FSTL5: variants seen among roughly 807,000 people sequenced by gnomAD.
FSTL5 encodes the protein follistatin-related protein 5.
A neutral mutation model predicts 89.1 loss-of-function variants in FSTL5; 62 were observed. The observed-to-expected ratio is 0.70, with a 90% CI of 0.57 to 0.86. The LOEUF is 0.86. FSTL5 is among the 40% of genes least tolerant of loss of function. The pLI is 0.00. For synonymous variants in FSTL5, 383 were observed against 346.2 expected (o/e 1.11, Z -1.18); for missense variants, 1,057 against 1,001.6 (o/e 1.06, Z -0.75).
chr4:161,859,072 T>A (rs1201849351), intron 4 of FSTL5, among the ~76,000 whole-genome samples: 1 of 152,220 alleles, frequency 6.6e-6, no homozygotes, highest in Non-Finnish European at 1.5e-5. Context: ...GCTCTCTTAG[T>A]ACTGTTTCCT....
chr4:161,586,026 G>A (rs750371977), intron 8 of FSTL5, among the ~76,000 whole-genome samples: 6 of 152,220 alleles, frequency 3.9e-5, no homozygotes, highest in Admixed American at 6.5e-5. Flanking sequence ...CCCCTGGAGC[G>A]TCAACAATAG....
chr4:161,685,554 T>C (rs2126713120), intron 6 of FSTL5, among the ~76,000 whole-genome samples: 1 of 152,312 alleles, frequency 6.6e-6, no homozygotes. Flanking sequence ...TTGTTTTGAT[T>C]CTCAGCTTGG....
chr4:161,774,767 A>G (rs1010465269), intron 5 of FSTL5, among the ~76,000 whole-genome samples: 4 of 138,530 alleles, frequency 2.9e-5, no homozygotes, highest in Non-Finnish European at 5.9e-5. Flanking sequence ...TTAATTAACT[A>G]GTTATTTATT....
chr4:162,036,845 G>C (rs1737759808), intron 2 of FSTL5, among the ~76,000 whole-genome samples: 1 of 151,726 alleles, frequency 6.6e-6, no homozygotes, highest in Non-Finnish European at 1.5e-5. Flanking sequence ...ACGTTTTTTG[G>C]TGCTCATATG....
At chr4:161,806,199 T>A (rs943259857) in intron 4 of FSTL5, among the ~76,000 whole-genome samples, 9 of 152,102 alleles carry the variant, frequency 5.9e-5, no homozygotes, top group Non-Finnish European at 1.0e-4. Flanking sequence ...GTTAAATTAT[T>A]AAACAATATT....
At chr4:161,438,776 C>T (rs1732661311) in intron 15 of FSTL5, among the ~76,000 whole-genome samples, 1 of 151,866 alleles carries the variant, frequency 6.6e-6, no homozygotes, top group African/African-American at 2.4e-5. Context: ...TACAAACTAA[C>T]TATTATATAT....
At chr4:161,720,336 G>A (rs1279413433) in intron 6 of FSTL5, among the ~76,000 whole-genome samples, 1 of 151,862 alleles carries the variant, frequency 6.6e-6, no homozygotes, top group Non-Finnish European at 1.5e-5. Flanking sequence ...TACCTGTTAC[G>A]ATAGCATTAT....
intron 10 of FSTL5, among the ~76,000 whole-genome samples, chr4:161,534,611 G>A (rs1209643802): frequency 6.6e-6 from 1 of 152,110 alleles, no homozygotes. Flanking sequence ...TCATGCTCAT[G>A]TACTGGAAGA....
chr4:161,658,340 T>C (rs1736591914), intron 6 of FSTL5, among the ~76,000 whole-genome samples: 1 of 151,796 alleles, frequency 6.6e-6, no homozygotes, highest in Non-Finnish European at 1.5e-5. Flanking sequence ...ACGCCTGTAG[T>C]CCCTGCTACT....
At chr4:161,695,369 G>A (rs778244347) in intron 6 of FSTL5, among the ~76,000 whole-genome samples, 2 of 150,820 alleles carry the variant, frequency 1.3e-5, no homozygotes, top group South Asian at 2.1e-4. Context: ...CATCCAGGTC[G>A]CTGTGAATGC....
intron 1 of FSTL5, among the ~76,000 whole-genome samples, chr4:162,150,916 T>C (rs1013093261): frequency 6.6e-6 from 1 of 152,206 alleles, no homozygotes; most frequent in African/African-American, 2.4e-5. Flanking sequence ...TAGCAAATTT[T>C]ACTAAAATTT....
chr4:161,884,487 T>C (rs1227334411), intron 4 of FSTL5, among the ~76,000 whole-genome samples: 3 of 152,126 alleles, frequency 2.0e-5, no homozygotes, highest in Non-Finnish European at 4.4e-5. Flanking sequence ...CACTATTTTT[T>C]AAAGAGAAGT....
intron 2 of FSTL5, among the ~76,000 whole-genome samples, chr4:162,091,625 G>A (rs1730552856): frequency 6.6e-6 from 1 of 152,050 alleles, no homozygotes; most frequent in Non-Finnish European, 1.5e-5. Context: ...CATCCTCCAA[G>A]GTTTCATTTG....
At chr4:162,136,142 C>T (rs1732511637) in intron 1 of FSTL5, among the ~76,000 whole-genome samples, 1 of 152,030 alleles carries the variant, frequency 6.6e-6, no homozygotes, top group Non-Finnish European at 1.5e-5. Context: ...CTCTCTCCCA[C>T]ACCCCAAAAT....
rs150002739 is a variant in FSTL5, at chr4:161,759,467, T to C, written c.671A>G (p.Tyr224Cys). 5.0e-4 allele frequency: 797 copies of C among 1,596,444 alleles called. 3 individuals are homozygous for C. In the African/African-American group the frequency reaches 7.6e-3, roughly 15 times the overall value. The change falls in exon 6 of 16, where the codon TAT (tyrosine) becomes TGT (cysteine). Residue 224 changes from tyrosine to cysteine, a missense_variant. Coordinates refer to ENST00000306100, the MANE Select transcript of FSTL5 (RefSeq NM_020116.5). ...FDCTLYVLLKYDDFNADKHLA... is the reference protein window; with the variant it reads ...FDCTLYVLLKCDDFNADKHLA... Reference sequence around the variant, plus strand: ...GTGCTTGTCAGCATTAAAATCATCATATTTCAATAGAACATACAAAGTACA... The same window carrying C: ...GTGCTTGTCAGCATTAAAATCATCACATTTCAATAGAACATACAAAGTACA...
intron 6 of FSTL5, among the ~76,000 whole-genome samples, chr4:161,747,763 A>G (rs1395443158): frequency 2.0e-5 from 3 of 152,228 alleles, no homozygotes; most frequent in African/African-American, 4.8e-5. Context: ...TGCAGCACTC[A>G]GGCCCTAACA....
At chr4:161,459,933 T>G (rs1049565648) in intron 13 of FSTL5, among the ~76,000 whole-genome samples, 14 of 151,290 alleles carry the variant, frequency 9.3e-5, no homozygotes, top group Non-Finnish European at 1.3e-4. Flanking sequence ...GTGTTTTTTT[T>G]GCTAATATTT....
chr4:161,759,560 T>TA lies in FSTL5; in HGVS notation c.607-30dup, dbSNP rs763713063. ...ACAAGAAAATTATAAACCATACCTT[T>TA]AGATTTGTGTCTTAAAATTTCTATA... On this transcript the variant is annotated intron_variant, in intron 5 of 15. Transcript: ENST00000306100. 3.0e-6 allele frequency: 4 copies of TA among 1,351,308 alleles called. No homozygotes were observed. In the East Asian group the frequency reaches 1.0e-4, roughly 35 times the overall value. The allele number at this position is 1,351,308 out of a possible 1,614,324, so 83.7% of individuals were successfully genotyped here. A position where few individuals can be genotyped will look rare whatever the true frequency, so the allele number is the denominator to read the frequency against.
At chr4:161,904,859 G>A (rs952556832) in intron 4 of FSTL5, among the ~76,000 whole-genome samples, 6 of 151,654 alleles carry the variant, frequency 4.0e-5, no homozygotes, top group Non-Finnish European at 7.4e-5. Flanking sequence ...TTGGTCTTTT[G>A]TTATAATATT....
Sources: gnomAD v4.1 joint callset for allele counts (sites outside exome capture counted in the v4.1 genomes callset) on GRCh38, gnomAD v4.1.1 for gene constraint, MANE v1.5 for transcripts, NCBI Gene and HGNC (gene_info 2026-07-23, HGNC 2026-07-21) for gene names.